The following SLC25A13 variants were observed in gnomAD, a reference collection of about 807,000 sequenced individuals.
The protein encoded by SLC25A13 is electrogenic aspartate/glutamate antiporter SLC25A13, mitochondrial.
Under a neutral mutation model 85.5 loss-of-function variants are expected in SLC25A13, and 70 were observed. That is an observed-to-expected ratio of 0.82 (90% CI 0.68 to 1.00). The LOEUF (loss-of-function observed/expected upper bound fraction) is 1.00, where lower values mean the gene tolerates loss of function less well. Among genes scored for constraint, SLC25A13 ranks in the 50% least tolerant of loss-of-function variants. The pLI is 0.00. For missense variants in SLC25A13, 765 were observed against 819.8 expected (o/e 0.93, Z 0.82); for synonymous variants, 259 against 288.7 (o/e 0.90, Z 1.04).
intron 1 of SLC25A13, among the ~76,000 whole-genome samples, chr7:96,312,210 GATCTTGGGCAAGTTATGTA>G (rs1799974913): frequency 6.6e-6 from 1 of 152,148 alleles, no homozygotes. Context: ...CAAGCCATGT[GATCTTGGGCAAGTTATGTA>G]ATCTCTCTGT....
chr7:96,247,399 C>A (rs1387686881), intron 3 of SLC25A13, among the ~76,000 whole-genome samples: 2 of 151,976 alleles, frequency 1.3e-5, no homozygotes, highest in Non-Finnish European at 2.9e-5. Context: ...ATTGAATTTG[C>A]AGAAATTTCT....
chr7:96,274,688 A>C (rs1798376589), intron 3 of SLC25A13, among the ~76,000 whole-genome samples: 1 of 152,122 alleles, frequency 6.6e-6, no homozygotes, highest in African/African-American at 2.4e-5. Context: ...TTTTTGTATA[A>C]GGTGTAAGGA....
At chr7:96,210,727 A>C (rs1470127244) in intron 4 of SLC25A13, among the ~76,000 whole-genome samples, 2 of 152,226 alleles carry the variant, frequency 1.3e-5, no homozygotes. Context: ...TAGATGAATA[A>C]ATTATCTAAT....
At chr7:96,223,358 CAAAG>C (rs1043755476) in intron 4 of SLC25A13, among the ~76,000 whole-genome samples, 1 of 152,092 alleles carries the variant, frequency 6.6e-6, no homozygotes, top group African/African-American at 2.4e-5. Flanking sequence ...TTTAAAAAGT[CAAAG>C]GAAGAGAGAA....
chr7:96,142,479 T>C (rs893329512), intron 14 of SLC25A13, among the ~76,000 whole-genome samples: 8 of 152,202 alleles, frequency 5.3e-5, no homozygotes, highest in African/African-American at 1.9e-4. Context: ...GTGTGTAGTT[T>C]CCACATTTTC....
intron 5 of SLC25A13, among the ~76,000 whole-genome samples, 179 bp downstream of exon 5, chr7:96,208,659 C>T (rs1387275934): frequency 1.1e-4 from 16 of 152,068 alleles, no homozygotes; most frequent in Admixed American, 9.8e-4. Context: ...GCGCCGGCCA[C>T]CACGCCTGGC....
chr7:96,121,575 T>C, intron 17 of SLC25A13, 80 bp downstream of exon 17: 2 of 1,452,234 alleles, frequency 1.4e-6, no homozygotes, highest in Non-Finnish European at 9.7e-7. Context: ...TTATAGAGAC[T>C]AGACTGAGGT....
intron 6 of SLC25A13, 113 bp downstream of exon 6, chr7:96,192,924 T>C (rs929780533): frequency 1.7e-6 from 2 of 1,199,508 alleles, no homozygotes; most frequent in African/African-American, 3.1e-5. Flanking sequence ...GTGATCACAT[T>C]AAAATGTTAG....
At chr7:96,263,760 T>C (rs2116902340) in intron 3 of SLC25A13, among the ~76,000 whole-genome samples, 1 of 152,292 alleles carries the variant, frequency 6.6e-6, no homozygotes, top group South Asian at 2.1e-4. Flanking sequence ...TCCAATTACA[T>C]TAACTCATCT....
chr7:96,196,326 C>T (rs1430224645), intron 5 of SLC25A13, among the ~76,000 whole-genome samples: 1 of 152,188 alleles, frequency 6.6e-6, no homozygotes, highest in Admixed American at 6.5e-5. Context: ...GTATGTTCAG[C>T]GATTTACCAT....
intron 1 of SLC25A13, among the ~76,000 whole-genome samples, chr7:96,307,799 C>A (rs1218656763): frequency 6.6e-6 from 1 of 152,090 alleles, no homozygotes; most frequent in Non-Finnish European, 1.5e-5. Context: ...ATTCTCCAAC[C>A]AGATTCCCCT....
chr7:96,251,062 T>A (rs1427498164), intron 3 of SLC25A13, among the ~76,000 whole-genome samples: 1 of 151,626 alleles, frequency 6.6e-6, no homozygotes, highest in Non-Finnish European at 1.5e-5. Context: ...AAAAAAAAAA[T>A]TAATGAAACC....
chr7:96,153,996 G>T (rs530426109), intron 13 of SLC25A13, among the ~76,000 whole-genome samples: 6 of 152,136 alleles, frequency 3.9e-5, no homozygotes, highest in Non-Finnish European at 8.8e-5. Context: ...TTGCAAATAC[G>T]TCACTTGGGC....
In SLC25A13 at chr7:96,294,871, T is replaced by C. The variant is rs187681343; in HGVS notation, c.69+2027A>G. Among the ~76,000 whole-genome samples the C allele has an allele frequency of 5.7e-3, 864 of 151,720 alleles. 9 individuals are homozygous for C. The highest frequency in any genetic ancestry group is 0.019 in the African/African-American group (808 of 41,446). ...TCTAAATCTCCTTACAAATGTGTCC[T>C]TTTTTTTCCTCCCCACAAAACTATC... On this transcript the variant is annotated intron_variant, in intron 2 of 17. Coordinates refer to ENST00000265631, the MANE Select transcript of SLC25A13 (RefSeq NM_014251.3).
chr7:96,184,790 C>T, intron 10 of SLC25A13, 137 bp downstream of exon 10: 1 of 789,042 alleles, frequency 1.3e-6, no homozygotes, highest in Non-Finnish European at 2.2e-6. Flanking sequence ...TCTTGCCCTA[C>T]CTCACAGGTA....
At chr7:96,273,952 T>A (rs926188277) in intron 3 of SLC25A13, among the ~76,000 whole-genome samples, 2 of 152,188 alleles carry the variant, frequency 1.3e-5, no homozygotes, top group African/African-American at 4.8e-5. Context: ...TAGTGTGAAA[T>A]ATAGCCCAGC....
intron 13 of SLC25A13, among the ~76,000 whole-genome samples, chr7:96,160,551 G>A (rs11978054): frequency 0.025 from 3,849 of 152,268 alleles, 163 homozygotes; most frequent in African/African-American, 0.087. Flanking sequence ...CACAGATGCT[G>A]TCTTCTCACT....
chr7:96,125,353 A>G (rs1016100282), intron 15 of SLC25A13, among the ~76,000 whole-genome samples: 1 of 152,130 alleles, frequency 6.6e-6, no homozygotes, highest in Non-Finnish European at 1.5e-5. Flanking sequence ...TGGCCTCCCA[A>G]AGTGCTGGAA....
intron 13 of SLC25A13, among the ~76,000 whole-genome samples, chr7:96,164,462 T>G (rs139718537): frequency 4.5e-4 from 68 of 152,212 alleles, no homozygotes; most frequent in African/African-American, 1.6e-3. Flanking sequence ...CCACTAAGTT[T>G]TGGAGGGGTT....
Sources: gnomAD v4.1 joint callset for allele counts (sites outside exome capture counted in the v4.1 genomes callset) on GRCh38, gnomAD v4.1.1 for gene constraint, MANE v1.5 for transcripts, NCBI Gene and HGNC (gene_info 2026-07-23, HGNC 2026-07-21) for gene names.